The following VPS41 variants were observed in gnomAD, a reference collection of about 807,000 sequenced individuals.
VPS41 encodes the protein VPS41 subunit of HOPS complex, also known as vacuolar protein sorting-associated protein 41 homolog.
In VPS41, 85 loss-of-function variants were observed where a neutral mutation model predicts 130.9. That is an observed-to-expected ratio of 0.65 (90% CI 0.55 to 0.78). The LOEUF is 0.78. VPS41 is among the 30% of genes least tolerant of loss of function. The probability of loss-of-function intolerance (pLI) is 0.00; values close to 1 mark genes in which losing one functional copy is unlikely to be tolerated. For missense variants in VPS41, 874 were observed against 1,018.7 expected (o/e 0.86, Z 1.93); for synonymous variants, 335 against 332.9 (o/e 1.01, Z -0.07).
chr7:38,802,523 G>C (rs911473731), intron 7 of VPS41, among the ~76,000 whole-genome samples: 1 of 152,020 alleles, frequency 6.6e-6, no homozygotes. Flanking sequence ...TCATACAGAA[G>C]GGAGAATGGC....
At chr7:38,908,684 C>T (rs1246696339) in intron 1 of VPS41, among the ~76,000 whole-genome samples, 1 of 152,234 alleles carries the variant, frequency 6.6e-6, no homozygotes, top group East Asian at 1.9e-4. Flanking sequence ...TGCATTTAAT[C>T]CCTGCTGCAC....
At chr7:38,828,849 C>T (rs1785331399) in intron 5 of VPS41, among the ~76,000 whole-genome samples, 1 of 152,148 alleles carries the variant, frequency 6.6e-6, no homozygotes, top group Admixed American at 6.5e-5. Flanking sequence ...GAGTAGCTAA[C>T]ATATTCCACT....
At chr7:38,837,469 T>A (rs898721660) in intron 4 of VPS41, among the ~76,000 whole-genome samples, 1 of 152,222 alleles carries the variant, frequency 6.6e-6, no homozygotes, top group Non-Finnish European at 1.5e-5. Flanking sequence ...AGCTTTACAT[T>A]TGAAACCATC....
At chr7:38,839,731 G>A (rs1785570268) in intron 4 of VPS41, among the ~76,000 whole-genome samples, 1 of 152,022 alleles carries the variant, frequency 6.6e-6, no homozygotes. Flanking sequence ...GTACAGGTGT[G>A]AGCCACCGTT....
chr7:38,767,222 C>T (rs1012906767), intron 15 of VPS41, among the ~76,000 whole-genome samples: 5 of 152,096 alleles, frequency 3.3e-5, no homozygotes, highest in African/African-American at 1.2e-4. Flanking sequence ...AAATGACAGG[C>T]TAACTTGTTA....
chr7:38,849,721 T>C (rs895645841), intron 4 of VPS41, among the ~76,000 whole-genome samples: 32 of 152,162 alleles, frequency 2.1e-4, no homozygotes, highest in African/African-American at 7.2e-4. Context: ...GTCCAGCTGC[T>C]TGTGTCTCTG....
At chr7:38,774,528 T>C (rs1784218900) in intron 11 of VPS41, among the ~76,000 whole-genome samples, 1 of 151,642 alleles carries the variant, frequency 6.6e-6, no homozygotes, top group African/African-American at 2.4e-5. Flanking sequence ...AAATTACAAA[T>C]TGCTAAACTT....
intron 18 of VPS41, among the ~76,000 whole-genome samples, chr7:38,758,135 G>A (rs1783839352): frequency 6.6e-6 from 1 of 152,038 alleles, no homozygotes; most frequent in African/African-American, 2.4e-5. Flanking sequence ...GTGCGTTAGG[G>A]GTTCTCTTCT....
chr7:38,796,399 A>C (rs947187265), intron 8 of VPS41: 1 of 461,388 alleles, frequency 2.2e-6, no homozygotes, highest in Non-Finnish European at 4.3e-6. Flanking sequence ...CTTGTTTCAT[A>C]TCAACTCTTA....
At chr7:38,758,743 C>A (rs1188432483) in intron 17 of VPS41, among the ~76,000 whole-genome samples, 1 of 152,194 alleles carries the variant, frequency 6.6e-6, no homozygotes, top group Non-Finnish European at 1.5e-5. Flanking sequence ...CTACCCCCAC[C>A]CCTGCCCCAC....
At chr7:38,882,997 CT>C (rs1304168415) in intron 2 of VPS41, among the ~76,000 whole-genome samples, 1 of 152,160 alleles carries the variant, frequency 6.6e-6, no homozygotes, top group East Asian at 1.9e-4. Context: ...AATCCCAGCA[CT>C]TTGGGAGGCC....
At chr7:38,754,119 G>T (rs1309774433) in intron 21 of VPS41, among the ~76,000 whole-genome samples, 2 of 152,120 alleles carry the variant, frequency 1.3e-5, no homozygotes, top group Non-Finnish European at 2.9e-5. Context: ...AGAATAACAG[G>T]CCTTAATTAC....
chr7:38,859,943 A>C (rs1786069439), intron 4 of VPS41, among the ~76,000 whole-genome samples: 1 of 152,246 alleles, frequency 6.6e-6, no homozygotes, highest in Admixed American at 6.5e-5. Flanking sequence ...ATTTATGGCC[A>C]AAGTATTTGA....
intron 5 of VPS41, among the ~76,000 whole-genome samples, chr7:38,828,596 C>G (rs1263197825): frequency 6.6e-6 from 1 of 152,152 alleles, no homozygotes; most frequent in Admixed American, 6.5e-5. Flanking sequence ...ATACTAGCTT[C>G]TCAATTTTCA....
chr7:38,726,316 G>A lies in VPS41; in HGVS notation c.2495C>T (p.Ala832Val), dbSNP rs201877118. ...AGCACTGCAGATGTTGCAGAACTGT[G>A]CAGCAGAGTTCTAAAAATGCAATTT... Reference protein sequence around the residue: ...CLPMPSMNSAAQFCNICSAKN... With the variant: ...CLPMPSMNSAVQFCNICSAKN... The change falls in exon 29 of 29, where the codon GCA becomes GTA. Residue 832 changes from alanine (A) to valine (V), a missense_variant. Coordinates refer to ENST00000310301, the MANE Select transcript of VPS41 (RefSeq NM_014396.4). 18 of 1,612,472 alleles carry A rather than the reference G, an allele frequency of 1.1e-5. No individual in the cohort carries two copies. The East Asian group carries it at 3.6e-4, about 32-fold the overall frequency.
At chr7:38,750,952 C>T (rs10262154) in intron 22 of VPS41, among the ~76,000 whole-genome samples, 43,515 of 152,152 alleles carry the variant, frequency 0.29, 7,039 homozygotes, top group Non-Finnish European at 0.38. Context: ...AAGATTCTCA[C>T]TCTATTGCCA....
In VPS41 at chr7:38,774,328, A is replaced by T. The variant is rs541868891; in HGVS notation, c.883-84T>A. On this transcript the variant is annotated intron_variant, in intron 11 of 28. Transcript: ENST00000310301. ...TTAATTCTAGTTAGCCATACATATT[A>T]GTTTCTTCTCACACTCCTATGAAGA... is the stretch of plus-strand genomic sequence containing the variant. The T allele has an allele frequency of 9.5e-5, 123 of 1,289,270 alleles. No individual in the cohort carries two copies. The African/African-American group carries it at 1.6e-3, about 17-fold the overall frequency. The allele number at this position is 1,289,270 out of a possible 1,614,324, so 79.9% of individuals were successfully genotyped here.
At chr7:38,876,243 A>C (rs1438014985) in intron 2 of VPS41, among the ~76,000 whole-genome samples, 1 of 152,218 alleles carries the variant, frequency 6.6e-6, no homozygotes, top group African/African-American at 2.4e-5. Flanking sequence ...GGATTAAATA[A>C]ATTTCACAAG....
At chr7:38,828,329 T>G (rs1212010187) in intron 5 of VPS41, among the ~76,000 whole-genome samples, 1 of 151,732 alleles carries the variant, frequency 6.6e-6, no homozygotes, top group Non-Finnish European at 1.5e-5. Flanking sequence ...AGATTGAAAA[T>G]GAGCACCAGC....
Sources: gnomAD v4.1 joint callset for allele counts (sites outside exome capture counted in the v4.1 genomes callset) on GRCh38, gnomAD v4.1.1 for gene constraint, MANE v1.5 for transcripts, NCBI Gene and HGNC (gene_info 2026-07-23, HGNC 2026-07-21) for gene names.